ICE1: variants seen among roughly 807,000 people sequenced by gnomAD.
ICE1 encodes the protein little elongation complex subunit 1.
ICE1 carries 64 observed loss-of-function variants against 192.7 expected under a neutral mutation model. That is an observed-to-expected ratio of 0.33 (90% confidence interval 0.27 to 0.41). ICE1 has a LOEUF of 0.41. Ranked by LOEUF, ICE1 falls within the 10% of genes least tolerant of loss-of-function variation. ICE1 has a pLI of 1.00. For synonymous variants in ICE1, 1,010 were observed against 984.5 expected (o/e 1.03, Z -0.49); for missense variants, 2,708 against 2,696.0 (o/e 1.00, Z -0.10).
chr5:5,422,951 G>A lies in ICE1; in HGVS notation c.36G>A (p.Gly12=), dbSNP rs1737353899. 6.9e-7 allele frequency: 1 copy of A among 1,450,492 alleles called. No homozygotes were observed. 89.9% of individuals were successfully genotyped at this position (1,450,492 alleles called of 1,614,324 possible). A position where few individuals can be genotyped will look rare whatever the true frequency, so the allele number is the denominator to read the frequency against. The change falls in exon 1 of 19, where the codon GGG becomes GGA. Residue 12 remains glycine, a synonymous_variant. Coordinates refer to ENST00000296564, the MANE Select transcript of ICE1 (RefSeq NM_015325.3). Reference sequence around the variant, plus strand: ...GCGAGACCCATTCGGCGGCGCCCGGGACGGCGGCGGACCTGTCGCGATGTC... The same window carrying A: ...GCGAGACCCATTCGGCGGCGCCCGGAACGGCGGCGGACCTGTCGCGATGTC... ...MPGETHSAAP[G]TAADLSRCQG...
chr5:5,457,235 T>C lies in ICE1; in HGVS notation c.692-97T>C, dbSNP rs578043702. 9.1e-6 allele frequency: 11 copies of C among 1,203,862 alleles called. No individual in the cohort carries two copies. In the East Asian group the frequency reaches 2.6e-4, roughly 28 times the overall value. The allele number at this position is 1,203,862 out of a possible 1,614,324, so 74.6% of individuals were successfully genotyped here. On this transcript the variant is annotated intron_variant, in intron 11 of 18. Transcript: ENST00000296564. ...TACTTGGACTTAATATTTCAAGCAT[T>C]TTGAACTGTTGTAATAAGGTTTCTT...
intron 1 of ICE1, among the ~76,000 whole-genome samples, chr5:5,424,874 G>A (rs1187469105): frequency 6.6e-6 from 1 of 152,216 alleles, no homozygotes. Context: ...CGGAGTGAAT[G>A]CTGGGAGTCA....
chr5:5,424,260 C>G (rs1204610312), intron 1 of ICE1, among the ~76,000 whole-genome samples: 1 of 152,072 alleles, frequency 6.6e-6, no homozygotes, highest in African/African-American at 2.4e-5. Flanking sequence ...TGATTGCAAA[C>G]ATTTTAAGTG....
intron 1 of ICE1, among the ~76,000 whole-genome samples, chr5:5,423,354 A>C (rs1326813555): frequency 6.6e-6 from 1 of 152,094 alleles, no homozygotes; most frequent in Non-Finnish European, 1.5e-5. Context: ...CGCCGAGGGC[A>C]GTTATCTCCC....
intron 1 of ICE1, among the ~76,000 whole-genome samples, chr5:5,427,035 G>A (rs535823377): frequency 1.1e-4 from 16 of 152,290 alleles, no homozygotes; most frequent in African/African-American, 3.8e-4. Flanking sequence ...TCTCTGTCTT[G>A]AATAGTGGTT....
intron 3 of ICE1, among the ~76,000 whole-genome samples, chr5:5,438,666 C>G (rs1207338647): frequency 6.6e-6 from 1 of 152,184 alleles, no homozygotes; most frequent in Non-Finnish European, 1.5e-5. Flanking sequence ...AAAATATGCA[C>G]ACTCTTTGAG....
At chr5:5,454,479 C>A in intron 10 of ICE1, 73 bp from the exon 11 acceptor site, 1 of 998,394 alleles carries the variant, frequency 1.0e-6, no homozygotes. Context: ...ACCCTGATTT[C>A]ACAGAAGTAT....
At chr5:5,482,207 CTA>C (rs1296531280) in intron 17 of ICE1, among the ~76,000 whole-genome samples, 1 of 152,062 alleles carries the variant, frequency 6.6e-6, no homozygotes, top group African/African-American at 2.4e-5. Context: ...TTCTTTGAAT[CTA>C]AAATTCTGGC....
Position 5,484,056 on chromosome 5 carries a change from C to T in ICE1, c.6521-2665C>T, listed in dbSNP as rs111682402. Among the ~76,000 whole-genome samples, 815 of 152,244 alleles carry T rather than the reference C, an allele frequency of 5.4e-3. 6 individuals carry two copies. Among genetic ancestry groups the T allele is most frequent in the East Asian group, 0.027 (138 of 5,162 alleles). ...GTGCTGGGGATTGCATTGTCATGGA[C>T]GTTGAGATTAGCTCCTCATTTCTTA... is the stretch of plus-strand genomic sequence containing the variant. On this transcript the variant is annotated intron_variant, in intron 17 of 18. Coordinates refer to ENST00000296564, the MANE Select transcript of ICE1 (RefSeq NM_015325.3).
chr5:5,452,917 C>G lies in ICE1; in HGVS notation c.605-1635C>G, dbSNP rs1738468196. 2.0e-5 allele frequency among the ~76,000 whole-genome samples: 3 copies of G among 152,178 alleles called. No homozygotes were observed. The East Asian group carries it at 5.8e-4, about 29-fold the overall frequency. Reference sequence around the variant, plus strand: ...GGATCAGGGAAAGTTGTGCAATTCACTTGAAGGAGGTGTTGTCTTCACAAC... The same window carrying G: ...GGATCAGGGAAAGTTGTGCAATTCAGTTGAAGGAGGTGTTGTCTTCACAAC... On this transcript the variant is annotated intron_variant, in intron 10 of 18. Coordinates refer to ENST00000296564, the MANE Select transcript of ICE1 (RefSeq NM_015325.3).
At position 5,473,469 on chromosome 5, in the gene ICE1, G is replaced by A. The variant is rs944674419; in HGVS notation, c.6223-89G>A. ...ATTTCAGATTAAATGATTAGTCATCGAATGCTTATTATAGTCTTTTAGATA... is the reference window on the plus strand; with the variant it reads ...ATTTCAGATTAAATGATTAGTCATCAAATGCTTATTATAGTCTTTTAGATA... On this transcript the variant is annotated intron_variant, in intron 15 of 18. Coordinates refer to ENST00000296564, the MANE Select transcript of ICE1 (RefSeq NM_015325.3). 51 of 1,104,384 alleles carry A rather than the reference G, an allele frequency of 4.6e-5. No individual in the cohort carries two copies. In the East Asian group the frequency reaches 9.4e-4, roughly 20 times the overall value. 68.4% of individuals were successfully genotyped at this position (1,104,384 alleles called of 1,614,324 possible). A position where few individuals can be genotyped will look rare whatever the true frequency, so the allele number is the denominator to read the frequency against.
chr5:5,464,828 A>C lies in ICE1; in HGVS notation c.5494A>C (p.Ser1832Arg). 2 of 1,613,524 alleles carry C rather than the reference A, an allele frequency of 1.2e-6. No individual in the cohort carries two copies. Among genetic ancestry groups the C allele is most frequent in the Non-Finnish European group, 1.7e-6 (2 of 1,179,660 alleles). Residue 1832 changes from serine to arginine, a missense_variant, in exon 13 of 19, where the codon AGC (serine) becomes CGC (arginine). Ser to Arg is a moderately radical substitution (Grantham distance 110, BLOSUM62 -1). Transcript: ENST00000296564. The surrounding 1 kb of genome is among the most constrained non-coding windows in gnomAD (Gnocchi z 4.0). ...AGATTTGGGGACTCAGCAGGATTCA[A>C]GCGGGAAAAGAACACTGTCAACGTC... ...SRDLGTQQDS[S>R]GKRTLSTSTL... is the part of the protein sequence containing the mutation.
intron 15 of ICE1, among the ~76,000 whole-genome samples, chr5:5,471,563 A>T (rs1739155525): frequency 6.6e-6 from 1 of 152,176 alleles, no homozygotes; most frequent in Admixed American, 6.5e-5. Context: ...AGATTTCAGT[A>T]TGTATTCAAA....
Position 5,464,225 on chromosome 5 carries a change from C to G in ICE1, c.4891C>G (p.Pro1631Ala). 1 of 1,613,560 alleles carries G rather than the reference C, an allele frequency of 6.2e-7. No homozygotes were observed. Among genetic ancestry groups the G allele is most frequent in the Non-Finnish European group, 8.5e-7 (1 of 1,179,832 alleles). The part of the protein sequence containing the change: ...LSKIRQEVGP[P>A]LPPLLAPLIA... ...TAAAATACGGCAAGAGGTGGGGCCT[C>G]CTTTGCCGCCTCTGCTTGCTCCTCT... Residue 1631 changes from proline (P) to alanine (A), a missense_variant, in exon 13 of 19, where the codon CCT becomes GCT. By Grantham distance (27) the Pro-to-Ala change is conservative (BLOSUM62 -1). Around this residue, in one of 2 missense-constraint regions of ICE1, gnomAD observed 2,366 missense variants for 2,276.6 expected, o/e 1.04. Transcript: ENST00000296564. The surrounding 1 kb of genome is among the most constrained non-coding windows in gnomAD (Gnocchi z 4.0).
At chr5:5,458,287 T>A (rs2111372346) in intron 12 of ICE1, among the ~76,000 whole-genome samples, 1 of 152,348 alleles carries the variant, frequency 6.6e-6, no homozygotes, top group South Asian at 2.1e-4. Flanking sequence ...TCAGTTTCTT[T>A]CTTTATGAAA....
intron 14 of ICE1, among the ~76,000 whole-genome samples, chr5:5,467,130 A>G (rs1461893491): frequency 6.6e-6 from 1 of 152,208 alleles, no homozygotes; most frequent in African/African-American, 2.4e-5. Context: ...AATCAGGATA[A>G]TTGAGTATAT....
intron 5 of ICE1, among the ~76,000 whole-genome samples, chr5:5,442,816 GCAATACCGTTAGCT>G (rs996885967): frequency 2.0e-5 from 3 of 152,058 alleles, no homozygotes; most frequent in African/African-American, 7.2e-5. Flanking sequence ...ATTTTCCCTA[GCAATACCGTTAGCT>G]CATATTTATT....
rs200013645 is a variant in ICE1 at position 5,454,555 on chromosome 5, A to C, written c.608A>C (p.Lys203Thr). 1 of 1,611,850 alleles carries C rather than the reference A, an allele frequency of 6.2e-7. No homozygotes were observed. Among genetic ancestry groups the C allele is most frequent in the South Asian group, 1.1e-5 (1 of 90,888 alleles). ...SDSYGSIDKR[K>T]VKLLLKELWL... The stretch of plus-strand genomic sequence containing the variant: ...AATGCTTTGCTCTGTTTCACAGGAA[A>C]AGTGAAACTGCTTCTGAAGGAACTC... The change falls in exon 11 of 19, where the codon AAA becomes ACA. Residue 203 changes from lysine to threonine, a missense_variant. Lys to Thr is a moderately conservative substitution (Grantham distance 78, BLOSUM62 -1). Coordinates refer to ENST00000296564, the MANE Select transcript of ICE1 (RefSeq NM_015325.3).
Position 5,457,568 on chromosome 5 carries a change from A to C in ICE1, c.928A>C (p.Ser310Arg). Residue 310 changes from serine (S) to arginine (R), a missense_variant, in exon 12 of 19, where the codon AGT becomes CGT. Transcript: ENST00000296564. ...ENGNLEVLVQ[S>R]HRDGGSTEFV... ...TGGAAATCTTGAGGTTTTAGTACAA[A>C]GTCATCGTGACGGTGGTAGTACTGA... 1 of 1,614,024 alleles carries C rather than the reference A, an allele frequency of 6.2e-7. No individual in the cohort carries two copies. Among genetic ancestry groups the C allele is most frequent in the Non-Finnish European group, 8.5e-7 (1 of 1,179,886 alleles).
Sources: allele counts gnomAD v4.1 joint callset (sites outside exome capture counted in the v4.1 genomes callset), GRCh38; gene constraint gnomAD v4.1.1; regional missense constraint gnomAD v4.1.1; non-coding constraint Gnocchi (gnomAD v3.1); transcripts MANE v1.5; gene names NCBI Gene and HGNC (gene_info 2026-07-23, HGNC 2026-07-21).